PTBP1: variants seen among roughly 807,000 people sequenced by gnomAD.
PTBP1 encodes polypyrimidine tract-binding protein 1.
PTBP1 carries 8 observed loss-of-function variants against 59.8 expected under a neutral mutation model. The observed-to-expected ratio is 0.13, with a 90% CI of 0.08 to 0.24. The LOEUF (loss-of-function observed/expected upper bound fraction) is 0.24. Among genes scored for constraint, PTBP1 ranks in the 10% least tolerant of loss-of-function variants. PTBP1 has a pLI of 1.00. For missense variants in PTBP1, 686 were observed against 767.0 expected (o/e 0.89, Z 1.25); for synonymous variants, 490 against 320.7 (o/e 1.53, Z -5.64).
rs369269126 is a variant in PTBP1, at chr19:811,965, C to T, written c.*1139C>T. ...CTTTCTACCGCCCCCGCGTCCTGTC[C>T]CGGGGGCTCTCCTAGGATCCCCTTT... On this transcript the variant is annotated 3_prime_UTR_variant, in exon 15 of 15. Transcript: ENST00000356948. 615 of 152,526 alleles carry T rather than the reference C, an allele frequency of 4.0e-3. 8 individuals carry two copies. The highest frequency in any genetic ancestry group is 6.4e-3 in the South Asian group (31 of 4,832). 9.4% of individuals were successfully genotyped at this position (152,526 alleles called of 1,614,324 possible).
At position 812,268 on chromosome 19, in the gene PTBP1, T is replaced by A. The variant is rs1293064611; in HGVS notation, c.*1442T>A. 1 of 153,390 alleles carries A rather than the reference T, an allele frequency of 6.5e-6. No homozygotes were observed. Among genetic ancestry groups the A allele is most frequent in the Non-Finnish European group, 1.4e-5 (1 of 69,032 alleles). The allele number at this position is 153,390 out of a possible 1,614,324, so 9.5% of individuals were successfully genotyped here. A position where few individuals can be genotyped will look rare whatever the true frequency, so the allele number is the denominator to read the frequency against. On this transcript the variant is annotated 3_prime_UTR_variant, in exon 15 of 15. Transcript: ENST00000356948. ...TCGCTGTGGACGCTGTAGAGGCAGG[T>A]TGGCCAGTCTGTACCTGGACTTCGA...
chr19:808,632 G>C lies in PTBP1; in HGVS notation c.1333G>C (p.Glu445Gln). Reference sequence around the variant, plus strand: ...GCACCAGAACGTGCAGCTGCCCCGCGAGGGCCAGGAGGACCAGGGCCTGAC... The same window carrying C: ...GCACCAGAACGTGCAGCTGCCCCGCCAGGGCCAGGAGGACCAGGGCCTGAC... ...SKHQNVQLPR[E>Q]GQEDQGLTKD... The change falls in exon 13 of 15, where the codon GAG becomes CAG. Residue 445 changes from glutamate (E) to glutamine (Q), a missense_variant. By Grantham distance (29) the Glu-to-Gln change is conservative. Transcript: ENST00000356948. The surrounding 1 kb of genome is among the most constrained non-coding windows in gnomAD (Gnocchi z 4.7). 6.2e-7 allele frequency: 1 copy of C among 1,611,310 alleles called. No individual in the cohort carries two copies.
At chr19:806,136 C>G (rs1019183883) in intron 9 of PTBP1, 4 of 385,098 alleles carry the variant, frequency 1.0e-5, no homozygotes, top group African/African-American at 4.3e-5. Context: ...CTGGCGGAGC[C>G]GGAGCTTTTC....
At chr19:805,906 AGC>A in intron 9 of PTBP1, 1 of 361,996 alleles carries the variant, frequency 2.8e-6, no homozygotes, top group Non-Finnish European at 5.2e-6. Context: ...TGGCCTGGTA[AGC>A]GCGCGGCCCG....
intron 1 of PTBP1, among the ~76,000 whole-genome samples, chr19:798,127 C>T (rs2034162697): frequency 6.6e-6 from 1 of 151,950 alleles, no homozygotes; most frequent in Admixed American, 6.5e-5. Flanking sequence ...CGGGCCGCGG[C>T]CAAGGGGTTT....
At position 810,957 on chromosome 19, in the gene PTBP1, C is replaced by T. The variant is rs548810493; in HGVS notation, c.*131C>T. On this transcript the variant is annotated 3_prime_UTR_variant, in exon 15 of 15. Transcript: ENST00000356948. ...TTTTTTTAAAGAGAAATCAGTTTAC[C>T]TGTTTTTAAAAAAATTAAATCTAGT... The T allele has an allele frequency of 2.0e-6, 2 of 1,020,558 alleles. No individual in the cohort carries two copies. The highest frequency in any genetic ancestry group is 5.9e-5 in the East Asian group (2 of 34,008). 63.2% of individuals were successfully genotyped at this position (1,020,558 alleles called of 1,614,324 possible). A position where few individuals can be genotyped will look rare whatever the true frequency, so the allele number is the denominator to read the frequency against.
At chr19:805,684 A>G in intron 9 of PTBP1, 115 bp downstream of exon 9, 1 of 887,410 alleles carries the variant, frequency 1.1e-6, no homozygotes, top group Non-Finnish European at 1.9e-6. Flanking sequence ...GTGCCAGGTC[A>G]GGGGCCCTTC....
At chr19:799,198 G>T in intron 1 of PTBP1, 1 of 641,752 alleles carries the variant, frequency 1.6e-6, no homozygotes, top group South Asian at 1.8e-5. Flanking sequence ...GGCGCCAAAG[G>T]ACAATGGTGG....
intron 2 of PTBP1, among the ~76,000 whole-genome samples, chr19:802,273 C>T (rs1164326498): frequency 2.0e-5 from 3 of 152,192 alleles, no homozygotes; most frequent in African/African-American, 7.2e-5. Context: ...GGCAGTCTTC[C>T]TTCCAGGAAG....
rs146434169 is a variant in PTBP1, at chr19:810,952, T to C, written c.*126T>C. ...TTTTATTTTTTTAAAGAGAAATCAGTTTACCTGTTTTTAAAAAAATTAAAT... is the reference window on the plus strand; with the variant it reads ...TTTTATTTTTTTAAAGAGAAATCAGCTTACCTGTTTTTAAAAAAATTAAAT... On this transcript the variant is annotated 3_prime_UTR_variant, in exon 15 of 15. Coordinates refer to ENST00000356948, the MANE Select transcript of PTBP1 (RefSeq NM_002819.5). 1,260 of 1,018,408 alleles carry C rather than the reference T, an allele frequency of 1.2e-3. 3 individuals are homozygous for C. Among genetic ancestry groups the C allele is most frequent in the Middle Eastern group, 6.6e-3 (20 of 3,016 alleles). The allele number at this position is 1,018,408 out of a possible 1,614,324, so 63.1% of individuals were successfully genotyped here.
Position 811,419 on chromosome 19 carries a change from C to G in PTBP1, c.*593C>G, listed in dbSNP as rs1415213956. The stretch of plus-strand genomic sequence containing the variant: ...CCGCTGCTCCAGCTGCGGAGCTGGT[C>G]GACATAATCTCTGTATTATATACTT... On this transcript the variant is annotated 3_prime_UTR_variant, in exon 15 of 15. Transcript: ENST00000356948. 2 of 152,484 alleles carry G rather than the reference C, an allele frequency of 1.3e-5. No individual in the cohort carries two copies. The highest frequency in any genetic ancestry group is 4.8e-5 in the African/African-American group (2 of 41,458). 9.4% of individuals were successfully genotyped at this position (152,484 alleles called of 1,614,324 possible). A position where few individuals can be genotyped will look rare whatever the true frequency, so the allele number is the denominator to read the frequency against.
intron 10 of PTBP1, chr19:807,549 C>T (rs1241812604): frequency 8.3e-6 from 3 of 361,568 alleles, no homozygotes; most frequent in African/African-American, 4.3e-5. Context: ...TTTTTCTTTT[C>T]TCCCCTTCCC....
Position 808,350 on chromosome 19 carries a change from G to A in PTBP1, c.1154-10G>A, listed in dbSNP as rs750796636. On this transcript the variant is annotated splice_polypyrimidine_tract_variant and intron_variant, in intron 11 of 14. Coordinates refer to ENST00000356948, the MANE Select transcript of PTBP1 (RefSeq NM_002819.5). This position sits in a 1 kb window ranked among gnomAD's most constrained non-coding sequence, Gnocchi z 4.7. ...CAGGAGACTCAGGCCCCATCCCTGGGCTTTTGAAGGCGTCTACGGTGACGT... is the reference window on the plus strand; with the variant it reads ...CAGGAGACTCAGGCCCCATCCCTGGACTTTTGAAGGCGTCTACGGTGACGT... 25 of 1,588,080 alleles carry A rather than the reference G, an allele frequency of 1.6e-5. No individual in the cohort carries two copies. Among genetic ancestry groups the A allele is most frequent in the Non-Finnish European group, 2.0e-5 (23 of 1,168,618 alleles).
In PTBP1 at chr19:811,760, C is replaced by T. The variant is rs993042227; in HGVS notation, c.*934C>T. The T allele has an allele frequency of 6.6e-6, 1 of 152,460 alleles. No individual in the cohort carries two copies. The highest frequency in any genetic ancestry group is 2.4e-5 in the African/African-American group (1 of 41,468). The allele number at this position is 152,460 out of a possible 1,614,324, so 9.4% of individuals were successfully genotyped here. On this transcript the variant is annotated 3_prime_UTR_variant, in exon 15 of 15. Coordinates refer to ENST00000356948, the MANE Select transcript of PTBP1 (RefSeq NM_002819.5). ...GGAAGGGGCGGGCGTGTCGCCGCCT[C>T]TGGCATCGCCTCCGGTTGCCTTACA...
At chr19:798,844 CG>C (rs1354254662) in intron 1 of PTBP1, among the ~76,000 whole-genome samples, 1 of 152,192 alleles carries the variant, frequency 6.6e-6, no homozygotes, top group Non-Finnish European at 1.5e-5. Flanking sequence ...GGGCGGGGCT[CG>C]GGTTGATCAG....
rs2034481467 is a variant in PTBP1 at position 804,632 on chromosome 19, G to A, written c.536G>A (p.Gly179Glu). The A allele has an allele frequency of 1.2e-6, 2 of 1,612,834 alleles. No homozygotes were observed. Among genetic ancestry groups the A allele is most frequent in the Non-Finnish European group, 8.5e-7 (1 of 1,179,822 alleles). The change falls in exon 6 of 15, where the codon GGG becomes GAG. Residue 179 changes from glycine (G) to glutamate (E), a missense_variant. By Grantham distance (98) the Gly-to-Glu change is moderately conservative. Transcript: ENST00000356948. ...GTGGACGCAGGGATGGCGATGGCCG[G>A]GCAGAGCCCCGTGCTCAGGATCATC... ...AAVDAGMAMA[G>E]QSPVLRIIVE...
chr19:803,788 A>T, intron 3 of PTBP1, 152 bp downstream of exon 3: 1 of 838,510 alleles, frequency 1.2e-6, no homozygotes, highest in Non-Finnish European at 1.9e-6. Context: ...GCTGCAGAGA[A>T]TTTCCAGGGA....
intron 13 of PTBP1, among the ~76,000 whole-genome samples, chr19:810,276 C>T (rs1338617601): frequency 6.6e-5 from 10 of 152,104 alleles, no homozygotes; most frequent in South Asian, 4.2e-4. Context: ...ACTGTGCTCC[C>T]GCCTGGGCGA....
intron 2 of PTBP1, among the ~76,000 whole-genome samples, chr19:799,915 TTTTTTG>T (rs556786724): frequency 2.5e-3 from 373 of 152,052 alleles, no homozygotes; most frequent in African/African-American, 8.3e-3. Flanking sequence ...GACGTTAAGT[TTTTTTG>T]TTTTTGTTTT....
Sources: gnomAD v4.1 joint callset for allele counts (sites outside exome capture counted in the v4.1 genomes callset) on GRCh38, gnomAD v4.1.1 for gene constraint, Gnocchi (gnomAD v3.1) non-coding constraint, MANE v1.5 for transcripts, NCBI Gene and HGNC (gene_info 2026-07-23, HGNC 2026-07-21) for gene names.